SLC25A26: variants seen among roughly 807,000 people sequenced by gnomAD.
The protein encoded by SLC25A26 is solute carrier family 25 member 26.
In SLC25A26, 36 loss-of-function variants were observed where a neutral mutation model predicts 37.8. That is an observed-to-expected ratio of 0.95 (90% CI 0.73 to 1.26). The LOEUF is 1.26. SLC25A26 is among the 50% of genes most tolerant of loss of function. The pLI, the probability that SLC25A26 is intolerant of heterozygous loss-of-function variation, is 0.00. For synonymous variants in SLC25A26, 129 were observed against 122.5 expected, an observed-to-expected ratio of 1.05 and a Z score of -0.35; for missense variants, 390 against 331.1, an observed-to-expected ratio of 1.18 and a Z score of -1.38.
chr3:66,145,176 T>C (rs974532836), intron 1 of SLC25A26, among the ~76,000 whole-genome samples: 2 of 152,108 alleles, frequency 1.3e-5, no homozygotes, highest in African/African-American at 2.4e-5. Context: ...TTAGAAGCTA[T>C]GAGAGAGGAG....
chr3:66,312,235 A>G (rs1344123386), intron 5 of SLC25A26, among the ~76,000 whole-genome samples: 2 of 152,152 alleles, frequency 1.3e-5, no homozygotes, highest in East Asian at 3.9e-4. Flanking sequence ...GTGGCTTTGC[A>G]GTGGGTTCTG....
chr3:66,319,028 G>A (rs1290832154), intron 5 of SLC25A26, among the ~76,000 whole-genome samples: 3 of 152,134 alleles, frequency 2.0e-5, no homozygotes, highest in Admixed American at 2.0e-4. Flanking sequence ...ACTTTCACTT[G>A]ACACTGATAT....
At chr3:66,200,306 C>G (rs1177888495) in intron 1 of SLC25A26, among the ~76,000 whole-genome samples, 1 of 152,186 alleles carries the variant, frequency 6.6e-6, no homozygotes, top group African/African-American at 2.4e-5. Context: ...TGCCTCTCGT[C>G]TTTACTACCT....
At chr3:66,259,921 G>A (rs78454750) in intron 3 of SLC25A26, among the ~76,000 whole-genome samples, 1,693 of 152,310 alleles carry the variant, frequency 0.011, 33 homozygotes, top group African/African-American at 0.039. Flanking sequence ...TGCACTTGCT[G>A]CTTTGGTAAT....
chr3:66,305,919 A>T (rs1221992295), intron 5 of SLC25A26, among the ~76,000 whole-genome samples: 2 of 152,208 alleles, frequency 1.3e-5, no homozygotes, highest in Non-Finnish European at 2.9e-5. Flanking sequence ...ATTTTCACCA[A>T]TAGCGTAAAA....
intron 5 of SLC25A26, among the ~76,000 whole-genome samples, chr3:66,331,233 T>C (rs2075966491): frequency 6.6e-6 from 1 of 152,134 alleles, no homozygotes; most frequent in Non-Finnish European, 1.5e-5. Context: ...CACCAAGTTA[T>C]TTTTTCTTTT....
chr3:66,237,754 A>G (rs1271324852), intron 2 of SLC25A26, among the ~76,000 whole-genome samples: 1 of 152,224 alleles, frequency 6.6e-6, no homozygotes, highest in Non-Finnish European at 1.5e-5. Context: ...CTAAAGCAAC[A>G]AAACAAAAAA....
At chr3:66,239,415 A>G (rs782335924) in intron 2 of SLC25A26, among the ~76,000 whole-genome samples, 1 of 152,188 alleles carries the variant, frequency 6.6e-6, no homozygotes, top group African/African-American at 2.4e-5. Flanking sequence ...ACTCTCATCT[A>G]CATTAGAAAT....
At position 66,212,674 on chromosome 3, in the gene SLC25A26, A is replaced by G. The variant is rs960839045; in HGVS notation, c.-353-8068A>G. ...CTCCCCTAAGCTCCTGGCAACCACC[A>G]TGCTACTTTTATCTCTATAAATTTG... On this transcript the variant is annotated intron_variant, in intron 1 of 10. Coordinates refer to the SLC25A26 transcript ENST00000676754. Among the ~76,000 whole-genome samples, 759 of 152,254 alleles carry G rather than the reference A, an allele frequency of 5.0e-3. 12 individuals are homozygous for G. Among genetic ancestry groups the G allele is most frequent in the African/African-American group, 0.013 (553 of 41,548 alleles).
chr3:66,139,641 A>G (rs1237704238), intron 1 of SLC25A26, among the ~76,000 whole-genome samples: 1 of 152,214 alleles, frequency 6.6e-6, no homozygotes, highest in Non-Finnish European at 1.5e-5. Flanking sequence ...CCATTTCATT[A>G]CAGAACTTAG....
intron 1 of SLC25A26, among the ~76,000 whole-genome samples, chr3:66,165,782 T>G (rs1277500770): frequency 6.6e-6 from 1 of 152,046 alleles, no homozygotes; most frequent in East Asian, 1.9e-4. Context: ...CCATCAATCT[T>G]GAAAAACAAA....
At chr3:66,283,889 C>T (rs536128829) in intron 5 of SLC25A26, among the ~76,000 whole-genome samples, 10 of 152,118 alleles carry the variant, frequency 6.6e-5, no homozygotes, top group Non-Finnish European at 1.5e-4. Flanking sequence ...ACTTTAATCT[C>T]CATTTTCTTT....
intron 5 of SLC25A26, 94 bp from the exon 6 acceptor site, chr3:66,346,270 A>G: frequency 3.4e-6 from 2 of 592,486 alleles, no homozygotes; most frequent in Non-Finnish European, 5.8e-6. Flanking sequence ...GCTTTGTTAT[A>G]AAGTTGAAAT....
chr3:66,358,247 G>T (rs1193173502), intron 6 of SLC25A26, among the ~76,000 whole-genome samples: 1 of 151,932 alleles, frequency 6.6e-6, no homozygotes, highest in Non-Finnish European at 1.5e-5. Flanking sequence ...TATTTTTTAC[G>T]AGTCACTTTC....
chr3:66,354,265 G>T (rs935645618), intron 6 of SLC25A26, among the ~76,000 whole-genome samples: 3 of 152,028 alleles, frequency 2.0e-5, no homozygotes, highest in Non-Finnish European at 4.4e-5. Flanking sequence ...CAGCTACAGG[G>T]TGTTACAAAG....
intron 2 of SLC25A26, among the ~76,000 whole-genome samples, chr3:66,240,313 C>A (rs2072512784): frequency 1.3e-5 from 2 of 152,136 alleles, no homozygotes; most frequent in South Asian, 4.1e-4. Context: ...CCCCTGAGAC[C>A]AGGTCTCACT....
intron 5 of SLC25A26, among the ~76,000 whole-genome samples, chr3:66,277,450 G>T (rs571289293): frequency 6.6e-6 from 1 of 152,188 alleles, no homozygotes; most frequent in South Asian, 2.1e-4. Flanking sequence ...GGTAAATGGG[G>T]AGATGTTGTT....
At chr3:66,354,842 C>T (rs2076538577) in intron 6 of SLC25A26, among the ~76,000 whole-genome samples, 1 of 152,168 alleles carries the variant, frequency 6.6e-6, no homozygotes, top group Non-Finnish European at 1.5e-5. Flanking sequence ...AGTTTGCCTG[C>T]ACAAGGTCTC....
chr3:66,261,777 C>T (rs546335421), intron 3 of SLC25A26: 9 of 267,644 alleles, frequency 3.4e-5, no homozygotes, highest in African/African-American at 1.4e-4. Flanking sequence ...TGCTTCTTGC[C>T]GTTGGGAGGC....
Sources: gnomAD v4.1 joint callset for allele counts (sites outside exome capture counted in the v4.1 genomes callset) on GRCh38, gnomAD v4.1.1 for gene constraint, MANE v1.5 for transcripts, NCBI Gene and HGNC (gene_info 2026-07-23, HGNC 2026-07-21) for gene names.